Variants in MAST3 observed in about 807,000 individuals in gnomAD.
The protein encoded by MAST3 is microtubule associated serine/threonine kinase 3.
In MAST3, 43 loss-of-function variants were observed where a neutral mutation model predicts 127.0. The ratio of observed to expected loss-of-function variants is 0.34; its 90% CI spans 0.27 to 0.44. The LOEUF (loss-of-function observed/expected upper bound fraction) is 0.44. Ranked by LOEUF, MAST3 falls within the 20% of genes least tolerant of loss-of-function variation. The pLI, the probability that MAST3 is intolerant of heterozygous loss-of-function variation, is 1.00. For synonymous variants in MAST3, 785 were observed against 809.2 expected, an observed-to-expected ratio of 0.97 and a Z score of 0.51; for missense variants, 1,390 against 1,919.1, an observed-to-expected ratio of 0.72 and a Z score of 5.15.
At chr19:18,106,384 G>A (rs1255407371) in intron 1 of MAST3, among the ~76,000 whole-genome samples, 2 of 151,192 alleles carry the variant, frequency 1.3e-5, no homozygotes, top group African/African-American at 2.4e-5. Context: ...GGCTACAGGT[G>A]TGCAATACCA....
intron 13 of MAST3, chr19:18,129,317 T>C (rs273493): frequency 0.93 from 181,673 of 195,520 alleles, 84,469 homozygotes; most frequent in East Asian, 0.96. Context: ...AGCATAAGCC[T>C]TTTGGAGGCT....
chr19:18,127,060 G>A (rs1368683027), intron 11 of MAST3, among the ~76,000 whole-genome samples: 5 of 151,882 alleles, frequency 3.3e-5, no homozygotes, highest in African/African-American at 4.8e-5. Context: ...GATTACAGGC[G>A]TGAGCCACCG....
intron 14 of MAST3, among the ~76,000 whole-genome samples, chr19:18,131,214 G>C (rs1021885445): frequency 1.3e-5 from 2 of 151,966 alleles, no homozygotes; most frequent in Non-Finnish European, 2.9e-5. Context: ...TCAGGACTTC[G>C]AGACCAGCCT....
chr19:18,104,892 G>A (rs1363976755), intron 1 of MAST3, among the ~76,000 whole-genome samples: 1 of 152,156 alleles, frequency 6.6e-6, no homozygotes, highest in African/African-American at 2.4e-5. Context: ...CAATAGTAAT[G>A]GCTGATCATG....
At chr19:18,139,440 T>TC in intron 20 of MAST3, among the ~76,000 whole-genome samples, 5 of 152,286 alleles carry the variant, frequency 3.3e-5, no homozygotes, top group Admixed American at 3.3e-4. Flanking sequence ...TTCTCCTGCC[T>TC]CAGCCTGCCG....
At position 18,150,684 on chromosome 19, in the gene MAST3, A is replaced by C. The variant is rs890907813; in HGVS notation, c.*958A>C. ...GCCATGCCCAGGCAGTGCCTGCTCT[A>C]TATATAGAGTCTGCCTCCAATCCTG... On this transcript the variant is annotated 3_prime_UTR_variant, in exon 28 of 28. Transcript: ENST00000687212. 3 of 152,278 alleles carry C rather than the reference A, an allele frequency of 2.0e-5. No individual in the cohort carries two copies. Among genetic ancestry groups the C allele is most frequent in the Admixed American group, 2.0e-4 (3 of 15,280 alleles). 9.4% of individuals were successfully genotyped at this position (152,278 alleles called of 1,614,324 possible). A position where few individuals can be genotyped will look rare whatever the true frequency, so the allele number is the denominator to read the frequency against.
At chr19:18,123,539 G>T in intron 7 of MAST3, 41 bp from the exon 8 acceptor site, 4 of 1,495,332 alleles carry the variant, frequency 2.7e-6, no homozygotes, top group Non-Finnish European at 3.6e-6. Flanking sequence ...CCTGGGGTTG[G>T]TCTCAGGTCC....
intron 27 of MAST3, among the ~76,000 whole-genome samples, chr19:18,147,855 G>A (rs867013018): frequency 5.3e-5 from 8 of 152,176 alleles, no homozygotes; most frequent in Non-Finnish European, 1.0e-4. Context: ...TAGACAGGAG[G>A]GTGGGAAAAC....
rs1290340603 is a variant in MAST3, at chr19:18,145,510, G to A, written c.3040-233G>A. Reference sequence around the variant, plus strand: ...CTCCCTCTCCCAGCCCAAGGGCGTCGAGGCATGCCCTCCCTATTGGTTGCT... The same window carrying A: ...CTCCCTCTCCCAGCCCAAGGGCGTCAAGGCATGCCCTCCCTATTGGTTGCT... On this transcript the variant is annotated intron_variant, in intron 24 of 27. Transcript: ENST00000687212. This position sits in a 1 kb window ranked among gnomAD's most constrained non-coding sequence, Gnocchi z 5.9. Among the ~76,000 whole-genome samples, 4 of 152,324 alleles carry A rather than the reference G, an allele frequency of 2.6e-5. No individual in the cohort carries two copies. Among genetic ancestry groups the A allele is most frequent in the South Asian group, 2.1e-4 (1 of 4,830 alleles).
rs760960794 is a variant in MAST3 at position 18,144,571 on chromosome 19, G to T, written c.2690G>T (p.Gly897Val). The T allele has an allele frequency of 1.7e-5, 27 of 1,609,846 alleles. No individual in the cohort carries two copies. Among genetic ancestry groups the T allele is most frequent in the African/African-American group, 2.7e-5 (2 of 74,886 alleles). ...GCCGGCCGGGGCCGCCGCCTTGGGG[G>T]CCCAAGAGACCCAGCCCCTGAGAAG... ...LDAGRGRRLG[G>V]PRDPAPEKSR... The change falls in exon 23 of 28, where the codon GGC (glycine) becomes GTC (valine). Residue 897 changes from glycine to valine, a missense_variant. Gly to Val is a moderately radical substitution (Grantham distance 109, BLOSUM62 -3). Around this residue, in one of 5 missense-constraint regions of MAST3, gnomAD observed 816 missense variants for 934.1 expected, o/e 0.87. Coordinates refer to ENST00000687212, the MANE Select transcript of MAST3 (RefSeq NM_001393504.1). The surrounding 1 kb of genome is among the most constrained non-coding windows in gnomAD (Gnocchi z 4.0).
chr19:18,141,836 A>G lies in MAST3; in HGVS notation c.2206-46A>G, dbSNP rs377365374. 6.1e-5 allele frequency: 81 copies of G among 1,331,568 alleles called. No individual in the cohort carries two copies. In the African/African-American group the frequency reaches 8.3e-4, roughly 14 times the overall value. The allele number at this position is 1,331,568 out of a possible 1,614,324, so 82.5% of individuals were successfully genotyped here. On this transcript the variant is annotated intron_variant, in intron 20 of 27. Coordinates refer to ENST00000687212, the MANE Select transcript of MAST3 (RefSeq NM_001393504.1). ...CTCTGAAAGTGCTGGGATTACAGGC[A>G]TGAGCCACCGCACCCGGCTTACCAT...
Position 18,128,440 on chromosome 19 carries a change from A to G in MAST3, c.1119A>G (p.Pro373=), listed in dbSNP as rs1302037482. Residue 373 remains proline (P), a synonymous_variant, in exon 12 of 28, where the codon CCA becomes CCG. Coordinates refer to ENST00000687212, the MANE Select transcript of MAST3 (RefSeq NM_001393504.1). ...PLSHLEEEQP[P]APESPESRAL... ...GTCACCTCGAAGAAGAACAGCCCCC[A>G]GCACCTGAGTCCCCAGAGGTGAGTA... The G allele has an allele frequency of 6.4e-7, 1 of 1,556,968 alleles. No individual in the cohort carries two copies. Among genetic ancestry groups the G allele is most frequent in the South Asian group, 1.2e-5 (1 of 84,370 alleles).
Position 18,145,947 on chromosome 19 carries a change from CCAGA to C in MAST3, c.3162+85_3162+88del. 6.9e-7 allele frequency: 1 copy of C among 1,457,576 alleles called. No homozygotes were observed. The highest frequency in any genetic ancestry group is 1.4e-5 in the South Asian group (1 of 74,016). 90.3% of individuals were successfully genotyped at this position (1,457,576 alleles called of 1,614,324 possible). ...CCCGGTTCCCCGTGGTTCTCCGCGT[CCAGA>C]CACACAACCCCACATTCAATGTCAA... On this transcript the variant is annotated intron_variant, in intron 25 of 27. Transcript: ENST00000687212. This position sits in a 1 kb window ranked among gnomAD's most constrained non-coding sequence, Gnocchi z 5.9.
rs372245575 is a variant in MAST3 at position 18,122,633 on chromosome 19, G to A, written c.321-40G>A. The stretch of plus-strand genomic sequence containing the variant: ...TTCTTAGTCCCCACAAACCACAGGG[G>A]CCAGGCCTTCCTTCCATCTGTTCTT... On this transcript the variant is annotated intron_variant, in intron 5 of 27. Coordinates refer to ENST00000687212, the MANE Select transcript of MAST3 (RefSeq NM_001393504.1). 5.1e-6 allele frequency: 8 copies of A among 1,568,764 alleles called. No homozygotes were observed. In the African/African-American group the frequency reaches 9.5e-5, roughly 19 times the overall value.
chr19:18,122,367 G>A (rs910789195), intron 5 of MAST3, among the ~76,000 whole-genome samples: 3 of 152,028 alleles, frequency 2.0e-5, no homozygotes, highest in African/African-American at 7.3e-5. Context: ...CTGGCCCTGA[G>A]CCCCTGGGGA....
intron 1 of MAST3, chr19:18,098,943 C>T (rs1047209926): frequency 2.8e-6 from 1 of 352,990 alleles, no homozygotes; most frequent in Admixed American, 3.5e-5. Flanking sequence ...AGGCGCCTGA[C>T]CCAGTCATTG....
intron 13 of MAST3, 186 bp downstream of exon 13, chr19:18,129,137 T>C (rs910538240): frequency 6.5e-6 from 4 of 613,176 alleles, no homozygotes; most frequent in African/African-American, 3.7e-5. Context: ...TACAGCCTCA[T>C]GTGTGCTCTG....
intron 25 of MAST3, among the ~76,000 whole-genome samples, chr19:18,146,675 A>G (rs1008751286): frequency 2.0e-5 from 3 of 152,070 alleles, no homozygotes; most frequent in African/African-American, 7.2e-5. Flanking sequence ...TTGACCGCAG[A>G]GGGAAGGATC....
intron 11 of MAST3, among the ~76,000 whole-genome samples, chr19:18,126,433 G>A (rs1356439969): frequency 1.3e-5 from 2 of 152,240 alleles, no homozygotes; most frequent in East Asian, 3.9e-4. Flanking sequence ...AGACCCTAAG[G>A]TTGGACCATA....
Sources: allele counts gnomAD v4.1 joint callset (sites outside exome capture counted in the v4.1 genomes callset), GRCh38; gene constraint gnomAD v4.1.1; regional missense constraint gnomAD v4.1.1; non-coding constraint Gnocchi (gnomAD v3.1); transcripts MANE v1.5; gene names NCBI Gene and HGNC (gene_info 2026-07-23, HGNC 2026-07-21).